CXCL12: variants seen among roughly 807,000 people sequenced by gnomAD.
The protein encoded by CXCL12 is stromal cell-derived factor 1.
CXCL12 carries 4 observed loss-of-function variants against 10.7 expected under a neutral mutation model. The ratio of observed to expected loss-of-function variants is 0.37; its 90% CI spans 0.18 to 0.86. The LOEUF (loss-of-function observed/expected upper bound fraction) is 0.86, where lower values mean the gene tolerates loss of function less well. Among genes scored for constraint, CXCL12 ranks in the 40% least tolerant of loss-of-function variants. The pLI, the probability that CXCL12 is intolerant of heterozygous loss-of-function variation, is 0.43. For synonymous variants in CXCL12, 54 were observed against 45.4 expected (o/e 1.19, Z -0.77); for missense variants, 122 against 110.4 (o/e 1.10, Z -0.47).
At chr10:44,380,953 A>C (rs1384571289) in intron 1 of CXCL12, 73 bp from the exon 2 acceptor site, 33 of 1,178,112 alleles carry the variant, frequency 2.8e-5, no homozygotes, top group Non-Finnish European at 4.1e-5. Context: ...GGGCTGCAGC[A>C]GTTGGTGCAG....
In CXCL12 at chr10:44,377,713, T is replaced by G. The variant is rs779653721; in HGVS notation, c.*920A>C. ...AGATTTAAAATTGCATTTGATTCTGTAAAGACTTGTCTTTTGCGGGTAAGC... is the reference window on the plus strand; with the variant it reads ...AGATTTAAAATTGCATTTGATTCTGGAAAGACTTGTCTTTTGCGGGTAAGC... On this transcript the variant is annotated 3_prime_UTR_variant, in exon 3 of 3. Coordinates refer to ENST00000343575, the MANE Select transcript of CXCL12 (RefSeq NM_199168.4). 7 of 1,597,996 alleles carry G rather than the reference T, an allele frequency of 4.4e-6. No homozygotes were observed. The South Asian group carries it at 7.7e-5, about 18-fold the overall frequency.
At position 44,385,014 on chromosome 10, in the gene CXCL12, C is replaced by A. The variant is rs1234255388; in HGVS notation, c.-9G>T. 1.2e-5 allele frequency: 1 copy of A among 83,856 alleles called. No homozygotes were observed. The highest frequency in any genetic ancestry group is 2.1e-5 in the Non-Finnish European group (1 of 47,798). 5.2% of individuals were successfully genotyped at this position (83,856 alleles called of 1,614,324 possible). ...ACGACCTTGGCGTTCATGGCGCGGG[C>A]GGGCGGGCGGGCGGGCGGACGAGCG... On this transcript the variant is annotated 5_prime_UTR_variant, in exon 1 of 3. Coordinates refer to ENST00000343575, the MANE Select transcript of CXCL12 (RefSeq NM_199168.4).
downstream of CXCL12, chr10:44,373,053 G>T (rs763415386): frequency 5.2e-6 from 8 of 1,536,172 alleles, no homozygotes; most frequent in East Asian, 2.0e-4. Context: ...GAGTGGCTCC[G>T]TGGAAAGACA....
At position 44,377,657 on chromosome 10, in the gene CXCL12, C is replaced by G. The variant is rs1483380022; in HGVS notation, c.*976G>C. On this transcript the variant is annotated 3_prime_UTR_variant, in exon 3 of 3. Transcript: ENST00000343575. Reference sequence around the variant, plus strand: ...GGCATACATAGGCTTCAGAGGCAATCACAAAACCCAGTCACTCAAAGCGAG... The same window carrying G: ...GGCATACATAGGCTTCAGAGGCAATGACAAAACCCAGTCACTCAAAGCGAG... The G allele has an allele frequency of 1.9e-6, 3 of 1,557,676 alleles. No homozygotes were observed. The African/African-American group carries it at 4.1e-5, about 21-fold the overall frequency.
At chr10:44,380,148 G>A (rs541347884) in intron 2 of CXCL12, among the ~76,000 whole-genome samples, 7 of 152,264 alleles carry the variant, frequency 4.6e-5, no homozygotes, top group South Asian at 4.1e-4. Context: ...CATTTCTCCC[G>A]GTCTTCTGTA....
At chr10:44,370,653 G>C (rs114482021) in exon 4 of CXCL12, 1 of 152,214 alleles carries the variant, frequency 6.6e-6, no homozygotes, top group African/African-American at 2.4e-5. Flanking sequence ...CCAGTCAGAC[G>C]ATCACACCAT....
chr10:44,384,439 C>A (rs1317698055), intron 1 of CXCL12, among the ~76,000 whole-genome samples: 2 of 152,198 alleles, frequency 1.3e-5, no homozygotes. Flanking sequence ...GGAGGCTGCG[C>A]GGCTGCATCG....
chr10:44,382,097 C>G (rs1272264457), intron 1 of CXCL12, among the ~76,000 whole-genome samples: 1 of 152,216 alleles, frequency 6.6e-6, no homozygotes, highest in Non-Finnish European at 1.5e-5. Context: ...AAGTGGACCA[C>G]TTGTCCCCCC....
downstream of CXCL12, chr10:44,373,473 G>T: frequency 1.3e-6 from 1 of 793,150 alleles, no homozygotes; most frequent in Non-Finnish European, 2.2e-6. Context: ...CCTTGGCCAT[G>T]CATCTCCCTT....
At chr10:44,373,341 C>G, downstream of CXCL12, 1 of 1,607,536 alleles carries the variant, frequency 6.2e-7, no homozygotes, top group Non-Finnish European at 8.5e-7. Context: ...CATCTTGAAC[C>G]TCCTGTTGAC....
At position 44,378,283 on chromosome 10, in the gene CXCL12, T is replaced by A; in HGVS notation, c.*350A>T. On this transcript the variant is annotated 3_prime_UTR_variant, in exon 3 of 3. Coordinates refer to ENST00000343575, the MANE Select transcript of CXCL12 (RefSeq NM_199168.4). Reference sequence around the variant, plus strand: ...TTGAAGTACTCGTTGATTTAAAAAATGAGAATGAGAATGATGATGATTGTG... The same window carrying A: ...TTGAAGTACTCGTTGATTTAAAAAAAGAGAATGAGAATGATGATGATTGTG... The A allele has an allele frequency of 6.8e-7, 1 of 1,466,470 alleles. No individual in the cohort carries two copies. Among genetic ancestry groups the A allele is most frequent in the Non-Finnish European group, 9.1e-7 (1 of 1,097,094 alleles). The allele number at this position is 1,466,470 out of a possible 1,614,324, so 90.8% of individuals were successfully genotyped here.
chr10:44,377,213 A>G lies in CXCL12; in HGVS notation c.*1420T>C. ...AATTTTAGTACAAGTGAAAAAATAC[A>G]CTGTGGCTAACATTGAAAAGCTGCA... On this transcript the variant is annotated 3_prime_UTR_variant, in exon 3 of 3. Transcript: ENST00000343575. 1.0e-6 allele frequency: 1 copy of G among 987,152 alleles called. No individual in the cohort carries two copies. The highest frequency in any genetic ancestry group is 5.2e-4 in the Middle Eastern group (1 of 1,922). 61.1% of individuals were successfully genotyped at this position (987,152 alleles called of 1,614,324 possible).
downstream of CXCL12, chr10:44,376,016 T>C (rs1459657447): frequency 6.2e-7 from 1 of 1,613,908 alleles, no homozygotes. Context: ...TTCCCCACTT[T>C]TTCTTCTCTG....
intron 2 of CXCL12, 81 bp from the exon 3 acceptor site, chr10:44,378,804 C>A (rs1268788658): frequency 7.0e-6 from 10 of 1,419,230 alleles, no homozygotes; most frequent in African/African-American, 1.4e-5. Context: ...TCCCCCAACA[C>A]CCATCTAGGG....
At chr10:44,382,203 G>A (rs2760669) in intron 1 of CXCL12, among the ~76,000 whole-genome samples, 139,835 of 152,214 alleles carry the variant, frequency 0.92, 64,630 homozygotes, top group Non-Finnish European at 0.97. Context: ...AGAGACCTAA[G>A]GCAGCCTTCA....
downstream of CXCL12, chr10:44,374,791 C>A (rs916017966): frequency 8.9e-5 from 37 of 416,248 alleles, no homozygotes; most frequent in African/African-American, 6.1e-4. Flanking sequence ...GACCCAGGAT[C>A]CGGGTGCAGG....
intron 1 of CXCL12, 123 bp from the exon 2 acceptor site, chr10:44,381,003 C>T (rs1003352256): frequency 2.9e-5 from 24 of 815,934 alleles, no homozygotes; most frequent in Non-Finnish European, 4.5e-5. Context: ...GGGTAAGTTC[C>T]AGGTTACTGG....
chr10:44,373,483 T>G, downstream of CXCL12: 1 of 751,600 alleles, frequency 1.3e-6, no homozygotes, highest in Non-Finnish European at 2.4e-6. Context: ...GCATCTCCCT[T>G]CAGAGGCCCT....
At chr10:44,378,910 T>C (rs1474566072) in intron 2 of CXCL12, among the ~76,000 whole-genome samples, 187 bp from the exon 3 acceptor site, 2 of 152,124 alleles carry the variant, frequency 1.3e-5, no homozygotes, top group Non-Finnish European at 2.9e-5. Flanking sequence ...TGCAGGAAGT[T>C]CCATTGCAGA....
Sources: gnomAD v4.1 joint callset for allele counts (sites outside exome capture counted in the v4.1 genomes callset) on GRCh38, gnomAD v4.1.1 for gene constraint, MANE v1.5 for transcripts, NCBI Gene and HGNC (gene_info 2026-07-23, HGNC 2026-07-21) for gene names.